The following RSAD1 variants were observed in gnomAD, a reference collection of about 807,000 sequenced individuals.
RSAD1 encodes the protein radical S-adenosyl methionine domain containing 1, also known as radical S-adenosyl methionine domain-containing protein 1, mitochondrial.
In RSAD1, 34 loss-of-function variants were observed where a neutral mutation model predicts 46.2. The observed-to-expected ratio is 0.74, with a 90% confidence interval of 0.56 to 0.98. RSAD1 has a LOEUF of 0.98. Ranked by LOEUF, RSAD1 falls within the 50% of genes least tolerant of loss-of-function variation. The pLI, the probability that RSAD1 is intolerant of heterozygous loss-of-function variation, is 0.00. For missense variants in RSAD1, 635 were observed against 592.3 expected (o/e 1.07, Z -0.75); for synonymous variants, 260 against 253.5 (o/e 1.03, Z -0.24).
Position 50,479,969 on chromosome 17 carries a change from C to T in RSAD1, c.359C>T (p.Ala120Val). Residue 120 changes from alanine (A) to valine (V), a missense_variant, in exon 3 of 9, where the codon GCC becomes GTC. By Grantham distance (64) the Ala-to-Val change is moderately conservative. Transcript: ENST00000258955. The stretch of plus-strand genomic sequence containing the variant: ...GTCCTGGAGGCTGTGGCACAGGCAG[C>T]CCACCTGCCTGCAGACTTGGAAGTC... ...AAVLEAVAQA[A>V]HLPADLEVTL... is the part of the protein sequence containing the mutation. The T allele has an allele frequency of 1.2e-6, 2 of 1,614,118 alleles. No individual in the cohort carries two copies. Among genetic ancestry groups the T allele is most frequent in the South Asian group, 1.1e-5 (1 of 91,088 alleles).
Position 50,483,710 on chromosome 17 carries a change from GA to G in RSAD1, c.1058del (p.Glu353GlyfsTer26). 6.2e-7 allele frequency: 1 copy of G among 1,613,214 alleles called. No homozygotes were observed. Among genetic ancestry groups the G allele is most frequent in the South Asian group, 1.1e-5 (1 of 90,944 alleles). On this transcript the variant is annotated frameshift_variant, in exon 7 of 9. Transcript: ENST00000258955. LOFTEE classifies it high-confidence loss of function. ...RVPLGRLELL[E>X]EVLALGLRTD... is the part of the protein sequence containing the mutation. ...CCTTGGTGATTTTTCTTTGAGGCTGGAGGAAGTTTTGGCCCTGGGGCTACGC... is the reference window on the plus strand; with the variant it reads ...CCTTGGTGATTTTTCTTTGAGGCTGGGGAAGTTTTGGCCCTGGGGCTACGC...
Position 50,483,477 on chromosome 17 carries a change from A to G in RSAD1, c.1042A>G (p.Arg348Gly), listed in dbSNP as rs1360826306. 1.2e-5 allele frequency: 19 copies of G among 1,612,904 alleles called. No individual in the cohort carries two copies. The highest frequency in any genetic ancestry group is 1.5e-5 in the Non-Finnish European group (18 of 1,179,546). ...CACCCGGAAGCGTGTCCCCCTGGGCAGGCTGGAGCTGTGAGCATCCAAGGG... is the reference window on the plus strand; with the variant it reads ...CACCCGGAAGCGTGTCCCCCTGGGCGGGCTGGAGCTGTGAGCATCCAAGGG... ...HGTRKRVPLGRLELLEEVLAL... is the reference protein window; with the variant it reads ...HGTRKRVPLGGLELLEEVLAL... Residue 348 changes from arginine (R) to glycine (G), a missense_variant, in exon 6 of 9, where the codon AGG becomes GGG. Physicochemically the swap from Arg to Gly is moderately radical, Grantham distance 125 (BLOSUM62 -2). Transcript: ENST00000258955.
At chr17:50,479,075 C>A in intron 1 of RSAD1, 56 bp downstream of exon 1, 2 of 1,284,520 alleles carry the variant, frequency 1.6e-6, no homozygotes, top group Non-Finnish European at 2.0e-6. Flanking sequence ...TGGCCGTGAC[C>A]GTGGCCGTCC....
At chr17:50,484,244 TG>T (rs950611615) in intron 7 of RSAD1, 197 bp from the exon 8 acceptor site, 2 of 563,788 alleles carry the variant, frequency 3.5e-6, no homozygotes, top group African/African-American at 3.8e-5. Flanking sequence ...GGCTGGAAGC[TG>T]GGTTCCAGTC....
At position 50,482,438 on chromosome 17, in the gene RSAD1, C is replaced by G. The variant is rs150795025; in HGVS notation, c.822C>G (p.Val274=). The change falls in exon 4 of 9, where the codon GTC becomes GTG. Residue 274 remains valine (V), a synonymous_variant. Coordinates refer to ENST00000258955, the MANE Select transcript of RSAD1 (RefSeq NM_018346.3). ...AGGCTGGCTTCCACCAGTATGAGGT[C>G]TCCAACTTTGCCCGGAATGTAAGTT... ...LREAGFHQYE[V]SNFARNGALS... The G allele has an allele frequency of 8.8e-6, 14 of 1,588,184 alleles. No individual in the cohort carries two copies. Among genetic ancestry groups the G allele is most frequent in the Non-Finnish European group, 1.2e-5 (14 of 1,170,040 alleles).
intron 7 of RSAD1, 49 bp downstream of exon 7, chr17:50,483,809 A>G: frequency 6.5e-7 from 1 of 1,537,146 alleles, no homozygotes; most frequent in Non-Finnish European, 8.8e-7. Context: ...AGTCTTGCAG[A>G]ATCAATGCCC....
chr17:50,482,374 C>T lies in RSAD1; in HGVS notation c.758C>T (p.Ala253Val), dbSNP rs772399572. ...GALPAPDPEL[A>V]AEMYQRGRAV... ...CTTCCAGCCCCTGACCCGGAGCTCG[C>T]AGCTGAGATGTACCAGAGGGGCCGG... Residue 253 changes from alanine to valine, a missense_variant, in exon 4 of 9, where the codon GCA (alanine) becomes GTA (valine). Coordinates refer to ENST00000258955, the MANE Select transcript of RSAD1 (RefSeq NM_018346.3). 9.9e-6 allele frequency: 16 copies of T among 1,608,936 alleles called. No individual in the cohort carries two copies. In the Admixed American group the frequency reaches 1.5e-4, roughly 15 times the overall value.
chr17:50,483,806 C>T, intron 7 of RSAD1, 46 bp downstream of exon 7: 1 of 1,543,834 alleles, frequency 6.5e-7, no homozygotes, highest in Non-Finnish European at 8.8e-7. Flanking sequence ...TAAAGTCTTG[C>T]AGAATCAATG....
intron 7 of RSAD1, 121 bp from the exon 8 acceptor site, chr17:50,484,321 C>T (rs2033422912): frequency 1.3e-6 from 1 of 787,432 alleles, no homozygotes; most frequent in East Asian, 2.6e-5. Flanking sequence ...TGCTTTCATG[C>T]ATGTCAGCTG....
Position 50,479,013 on chromosome 17 carries a change from C to T in RSAD1, c.129C>T (p.Tyr43=), listed in dbSNP as rs1381138359. The change falls in exon 1 of 9, where the codon TAC becomes TAT. Residue 43 remains tyrosine (Y), a synonymous_variant. Coordinates refer to ENST00000258955, the MANE Select transcript of RSAD1 (RefSeq NM_018346.3). The stretch of plus-strand genomic sequence containing the variant: ...CTGCGGGCCGGCGCGCGGCGCTTTA[C>T]GTACACGTGAGTAGGGGCGGGGGCG... ...PEPAGRRAAL[Y]VHWPYCEKRC... is the part of the protein sequence containing the mutation. 4.4e-6 allele frequency: 6 copies of T among 1,359,428 alleles called. No individual in the cohort carries two copies. Among genetic ancestry groups the T allele is most frequent in the Non-Finnish European group, 4.7e-6 (5 of 1,062,902 alleles). 84.2% of individuals were successfully genotyped at this position (1,359,428 alleles called of 1,614,324 possible).
In RSAD1 at chr17:50,484,981, C is replaced by G; in HGVS notation, c.*120C>G. On this transcript the variant is annotated 3_prime_UTR_variant, in exon 9 of 9. Transcript: ENST00000258955. ...CTGCTCCTTGTGGTTATTGCTCAGC[C>G]CTGGCATCCCCAGGGGAATGGCAGC... 1.3e-6 allele frequency: 1 copy of G among 755,558 alleles called. No individual in the cohort carries two copies. Among genetic ancestry groups the G allele is most frequent in the South Asian group, 1.6e-5 (1 of 60,734 alleles). 46.8% of individuals were successfully genotyped at this position (755,558 alleles called of 1,614,324 possible). A position where few individuals can be genotyped will look rare whatever the true frequency, so the allele number is the denominator to read the frequency against.
At chr17:50,481,750 C>T (rs2033382131) in intron 3 of RSAD1, among the ~76,000 whole-genome samples, 1 of 152,098 alleles carries the variant, frequency 6.6e-6, no homozygotes, top group Non-Finnish European at 1.5e-5. Context: ...TAAATAAAGA[C>T]TTGATTTTGG....
chr17:50,484,521 G>A lies in RSAD1; in HGVS notation c.1187G>A (p.Arg396Gln), dbSNP rs559552404. 33 of 1,613,410 alleles carry A rather than the reference G, an allele frequency of 2.0e-5. No homozygotes were observed. The East Asian group carries it at 4.0e-4, about 20-fold the overall frequency. ...AAGGAGGTGCAGGAGCTGCTGGAGC[G>A]GGGCCTACTGCAGCTGGATCACAGG... is the stretch of plus-strand genomic sequence containing the variant. ...ANKEVQELLE[R>Q]GLLQLDHRGL... The change falls in exon 8 of 9, where the codon CGG (arginine) becomes CAG (glutamine). Residue 396 changes from arginine to glutamine, a missense_variant. Coordinates refer to ENST00000258955, the MANE Select transcript of RSAD1 (RefSeq NM_018346.3).
intron 3 of RSAD1, chr17:50,480,328 C>T (rs898237840): frequency 3.7e-6 from 2 of 535,876 alleles, no homozygotes; most frequent in Admixed American, 3.2e-5. Flanking sequence ...GTGCCTGGCA[C>T]ATAGTAGGTG....
In RSAD1 at chr17:50,482,626, T is replaced by G. The variant is rs376134533; in HGVS notation, c.841-17T>G. On this transcript the variant is annotated splice_polypyrimidine_tract_variant and intron_variant, in intron 4 of 8. Coordinates refer to ENST00000258955, the MANE Select transcript of RSAD1 (RefSeq NM_018346.3). ...GCCTGCCCTCTTCACTCTGCACTAT[T>G]TCCTCCCTCCCCGCAGGGGGCGCTC... is the stretch of plus-strand genomic sequence containing the variant. 1 of 1,613,944 alleles carries G rather than the reference T, an allele frequency of 6.2e-7. No individual in the cohort carries two copies. The highest frequency in any genetic ancestry group is 8.5e-7 in the Non-Finnish European group (1 of 1,179,880).
In RSAD1 at chr17:50,482,259, C is replaced by G. The variant is rs780024897; in HGVS notation, c.643C>G (p.Leu215Val). 7.0e-6 allele frequency: 11 copies of G among 1,580,890 alleles called. No individual in the cohort carries two copies. Among genetic ancestry groups the G allele is most frequent in the Non-Finnish European group, 9.5e-6 (11 of 1,159,704 alleles). Reference protein sequence around the residue: ...VGPWLGQLQELLHHCDDHLSL... With the variant: ...VGPWLGQLQEVLHHCDDHLSL... ...GCCGTGGCTTGGGCAGCTGCAGGAA[C>G]TGCTGCACCACTGTGATGACCACCT... Residue 215 changes from leucine (L) to valine (V), a missense_variant, in exon 4 of 9, where the codon CTG becomes GTG. Physicochemically the swap from Leu to Val is conservative, Grantham distance 32. Transcript: ENST00000258955.
intron 3 of RSAD1, chr17:50,480,424 G>T (rs1030459376): frequency 6.0e-6 from 2 of 331,988 alleles, no homozygotes; most frequent in African/African-American, 2.1e-5. Context: ...TGTAAAGGGG[G>T]TCTCTATAAA....
rs1442604113 is a variant in RSAD1 at position 50,484,288 on chromosome 17, C to T, written c.1108-154C>T. The T allele has an allele frequency of 1.4e-5, 9 of 635,724 alleles. No individual in the cohort carries two copies. In the East Asian group the frequency reaches 2.2e-4, roughly 16 times the overall value. 39.4% of individuals were successfully genotyped at this position (635,724 alleles called of 1,614,324 possible). ...AATAGGAGTGAAGCTGCCCTCCTCC[C>T]TGCTGGCCCATTGGCCTGGTTCTGC... On this transcript the variant is annotated intron_variant, in intron 7 of 8. Coordinates refer to ENST00000258955, the MANE Select transcript of RSAD1 (RefSeq NM_018346.3).
In RSAD1 at chr17:50,482,317, C is replaced by T. The variant is rs1216472045; in HGVS notation, c.701C>T (p.Thr234Ile). ...SLYQLSLERG[T>I]ALFAQVQRGA... is the part of the protein sequence containing the mutation. Reference sequence around the variant, plus strand: ...TACCAGCTGTCCCTGGAGCGGGGCACCGCACTCTTCGCCCAGGTGCAGCGG... The same window carrying T: ...TACCAGCTGTCCCTGGAGCGGGGCATCGCACTCTTCGCCCAGGTGCAGCGG... Residue 234 changes from threonine to isoleucine, a missense_variant, in exon 4 of 9, where the codon ACC becomes ATC. Transcript: ENST00000258955. 6.2e-7 allele frequency: 1 copy of T among 1,611,780 alleles called. No homozygotes were observed. The highest frequency in any genetic ancestry group is 1.1e-5 in the South Asian group (1 of 90,726).
Sources: allele counts gnomAD v4.1 joint callset (sites outside exome capture counted in the v4.1 genomes callset), GRCh38; gene constraint gnomAD v4.1.1; transcripts MANE v1.5; gene names NCBI Gene and HGNC (gene_info 2026-07-23, HGNC 2026-07-21).